The following PTPN13 variants were observed in gnomAD, a reference collection of about 807,000 sequenced individuals.
PTPN13 encodes the protein protein tyrosine phosphatase non-receptor type 13, also known as tyrosine-protein phosphatase non-receptor type 13.
A neutral mutation model predicts 284.0 loss-of-function variants in PTPN13; 191 were observed. The ratio of observed to expected loss-of-function variants is 0.67; its 90% CI spans 0.60 to 0.76. PTPN13 has a LOEUF of 0.76. Ranked by LOEUF, PTPN13 falls within the 30% of genes least tolerant of loss-of-function variation. The pLI is 0.00. For synonymous variants in PTPN13, 986 were observed against 1,022.3 expected, an observed-to-expected ratio of 0.96 and a Z score of 0.68; for missense variants, 2,797 against 2,939.9, an observed-to-expected ratio of 0.95 and a Z score of 1.12.
intron 40 of PTPN13, among the ~76,000 whole-genome samples, chr4:86,786,837 T>C (rs1351756481): frequency 6.6e-6 from 1 of 152,214 alleles, no homozygotes; most frequent in Non-Finnish European, 1.5e-5. Context: ...GCGCGTTGGC[T>C]CATGGCGGTA....
At chr4:86,790,485 G>A (rs1040216628) in intron 40 of PTPN13, among the ~76,000 whole-genome samples, 2 of 152,088 alleles carry the variant, frequency 1.3e-5, no homozygotes, top group Admixed American at 6.6e-5. Flanking sequence ...AAATAGATAT[G>A]TAATTACAAG....
intron 38 of PTPN13, 149 bp from the exon 39 acceptor site, chr4:86,785,081 AT>A (rs1565573046): frequency 1.8e-6 from 1 of 563,790 alleles, no homozygotes; most frequent in Non-Finnish European, 3.0e-6. Flanking sequence ...ACTGGATCAC[AT>A]TAGTGTAAAC....
intron 40 of PTPN13, among the ~76,000 whole-genome samples, chr4:86,792,088 G>A (rs1372218837): frequency 2.0e-5 from 3 of 151,904 alleles, no homozygotes; most frequent in South Asian, 2.1e-4. Flanking sequence ...CTAACAAGTC[G>A]CAAGAAAGCT....
chr4:86,672,693 T>C, intron 3 of PTPN13, 150 bp downstream of exon 3: 2 of 635,234 alleles, frequency 3.1e-6, no homozygotes, highest in Non-Finnish European at 5.0e-6. Flanking sequence ...TATTTAAGAA[T>C]CCAAAATAGT....
chr4:86,642,419 A>G (rs1020305016), intron 2 of PTPN13, among the ~76,000 whole-genome samples: 27 of 136,152 alleles, frequency 2.0e-4, no homozygotes, highest in African/African-American at 7.1e-4. Flanking sequence ...CTTTCAGTTC[A>G]TCTTTTCTTT....
intron 3 of PTPN13, among the ~76,000 whole-genome samples, chr4:86,680,507 T>A (rs1296572410): frequency 6.6e-6 from 1 of 152,170 alleles, no homozygotes; most frequent in Admixed American, 6.5e-5. Flanking sequence ...AATTCTTTCC[T>A]CTTCAGCCCT....
chr4:86,732,776 C>CATTTT lies in PTPN13; in HGVS notation c.1858+13_1858+17dup. ...TTAGCTACCCTCAAAGGTACCAAGA[C>CATTTT]ATTTTATATTCAGAGTACAGTATAG... On this transcript the variant is annotated intron_variant, in intron 12 of 47. Coordinates refer to ENST00000411767, the MANE Select transcript of PTPN13 (RefSeq NM_080683.3). 3.7e-6 allele frequency: 6 copies of CATTTT among 1,608,670 alleles called. No individual in the cohort carries two copies. Among genetic ancestry groups the CATTTT allele is most frequent in the Middle Eastern group, 1.7e-4 (1 of 6,042 alleles).
At chr4:86,804,779 T>G (rs1476017774) in intron 43 of PTPN13, among the ~76,000 whole-genome samples, 1 of 152,224 alleles carries the variant, frequency 6.6e-6, no homozygotes, top group Non-Finnish European at 1.5e-5. Flanking sequence ...CCATCACTTA[T>G]TACAGTACCT....
chr4:86,716,617 T>C lies in PTPN13; in HGVS notation c.1283T>C (p.Phe428Ser). The change falls in exon 8 of 48, where the codon TTC becomes TCC. Residue 428 changes from phenylalanine (F) to serine (S), a missense_variant. Coordinates refer to ENST00000411767, the MANE Select transcript of PTPN13 (RefSeq NM_080683.3). ...SPSIISSESDFRQVRRSEASK... is the reference protein window; with the variant it reads ...SPSIISSESDSRQVRRSEASK... The stretch of plus-strand genomic sequence containing the variant: ...TCTATTATTTCCTCTGAATCAGATT[T>C]CAGACAAGGTAGGAGGCATCTGAAA... 2 of 1,579,332 alleles carry C rather than the reference T, an allele frequency of 1.3e-6. No individual in the cohort carries two copies. Among genetic ancestry groups the C allele is most frequent in the East Asian group, 2.3e-5 (1 of 44,304 alleles).
At chr4:86,767,794 G>A (rs1311094921) in intron 27 of PTPN13, 23 bp from the exon 28 acceptor site, 3 of 1,483,482 alleles carry the variant, frequency 2.0e-6, no homozygotes, top group Non-Finnish European at 2.7e-6. Context: ...CTTAATTAAT[G>A]AAATGCTATT....
intron 42 of PTPN13, among the ~76,000 whole-genome samples, chr4:86,799,424 G>A (rs865887414): frequency 1.8e-4 from 26 of 144,814 alleles, no homozygotes; most frequent in African/African-American, 6.4e-4. Flanking sequence ...CACCACCTCC[G>A]CAGTTCAAGC....
intron 2 of PTPN13, among the ~76,000 whole-genome samples, chr4:86,641,427 G>A (rs919989024): frequency 6.6e-6 from 1 of 152,018 alleles, no homozygotes; most frequent in Non-Finnish European, 1.5e-5. Flanking sequence ...AGAGGGGGCT[G>A]GAAATAAGCA....
chr4:86,711,605 G>T (rs1273494671), intron 7 of PTPN13, among the ~76,000 whole-genome samples: 1 of 151,990 alleles, frequency 6.6e-6, no homozygotes, highest in Admixed American at 6.6e-5. Context: ...GTACTCATAG[G>T]AAGTCAAAAA....
chr4:86,644,068 C>T (rs990607277), intron 2 of PTPN13, among the ~76,000 whole-genome samples: 7 of 150,944 alleles, frequency 4.6e-5, no homozygotes, highest in African/African-American at 1.7e-4. Flanking sequence ...TTAAAAGATA[C>T]AAACAGCTCA....
At chr4:86,694,693 T>A (rs533441442) in intron 6 of PTPN13, among the ~76,000 whole-genome samples, 11 of 152,178 alleles carry the variant, frequency 7.2e-5, no homozygotes, top group Admixed American at 7.2e-4. Context: ...CATGGCTTAT[T>A]TATAAAATAA....
At chr4:86,684,257 C>T (rs148869325) in intron 3 of PTPN13, among the ~76,000 whole-genome samples, 20 of 152,186 alleles carry the variant, frequency 1.3e-4, no homozygotes, top group African/African-American at 4.3e-4. Flanking sequence ...AGTATTTATA[C>T]AGCATATATA....
Position 86,750,571 on chromosome 4 carries a change from A to C in PTPN13, c.2752A>C (p.Asn918His), listed in dbSNP as rs759499107. 1.9e-5 allele frequency: 31 copies of C among 1,613,944 alleles called. No homozygotes were observed. Among genetic ancestry groups the C allele is most frequent in the Non-Finnish European group, 2.6e-5 (31 of 1,179,868 alleles). Residue 918 changes from asparagine to histidine, a missense_variant, in exon 18 of 48, where the codon AAC becomes CAC. Transcript: ENST00000411767. ...STGSLASSTL[N>H]KLAVRPLSVQ... ...TGGCAGTCTGGCCAGCAGCACCCTC[A>C]ACAAACTTGCTGTTCGACCTTTATC...
In PTPN13 at chr4:86,784,525, A is replaced by G; in HGVS notation, c.6085A>G (p.Ile2029Val). The G allele has an allele frequency of 1.2e-6, 2 of 1,609,114 alleles. No individual in the cohort carries two copies. The highest frequency in any genetic ancestry group is 1.7e-6 in the Non-Finnish European group (2 of 1,178,230). The change falls in exon 38 of 48, where the codon ATA (isoleucine) becomes GTA (valine). Residue 2029 changes from isoleucine (I) to valine (V), a missense_variant. By Grantham distance (29) the Ile-to-Val change is conservative. Coordinates refer to ENST00000411767, the MANE Select transcript of PTPN13 (RefSeq NM_080683.3). ...CAAAGGAAAATGTTCTACTTATCAG[A>G]TAAAGGGATCACCAAACTTGACTCT... ...YPKGKCSTYQ[I>V]KGSPNLTLPK... is the part of the protein sequence containing the mutation.
intron 3 of PTPN13, among the ~76,000 whole-genome samples, chr4:86,678,866 C>T (rs1008510783): frequency 3.9e-5 from 6 of 152,144 alleles, no homozygotes; most frequent in East Asian, 3.8e-4. Flanking sequence ...CACAAATGAC[C>T]AGTGCTGCAA....
Sources: allele counts gnomAD v4.1 joint callset (sites outside exome capture counted in the v4.1 genomes callset), GRCh38; gene constraint gnomAD v4.1.1; transcripts MANE v1.5; gene names NCBI Gene and HGNC (gene_info 2026-07-23, HGNC 2026-07-21).